The following CCDC15 variants were observed in gnomAD, a reference collection of about 807,000 sequenced individuals.
The protein encoded by CCDC15 is coiled-coil domain-containing protein 15.
A neutral mutation model predicts 114.5 loss-of-function variants in CCDC15; 105 were observed. That is an observed-to-expected ratio of 0.92 (90% confidence interval 0.78 to 1.08). The LOEUF (loss-of-function observed/expected upper bound fraction) is 1.08. Ranked by LOEUF, CCDC15 falls within the 50% of genes least tolerant of loss-of-function variation. The pLI, the probability that CCDC15 is intolerant of heterozygous loss-of-function variation, is 0.00. For missense variants in CCDC15, 1,105 were observed against 1,093.6 expected, an observed-to-expected ratio of 1.01 and a Z score of -0.15; for synonymous variants, 334 against 377.8, an observed-to-expected ratio of 0.88 and a Z score of 1.34.
chr11:124,972,461 GT>G (rs1947903000), intron 4 of CCDC15, among the ~76,000 whole-genome samples: 1 of 152,028 alleles, frequency 6.6e-6, no homozygotes, highest in Non-Finnish European at 1.5e-5. Context: ...TTATCTACTT[GT>G]TTATTTGAAT....
chr11:124,984,630 C>G (rs962349678), intron 6 of CCDC15, among the ~76,000 whole-genome samples: 1 of 152,150 alleles, frequency 6.6e-6, no homozygotes, highest in Middle Eastern at 3.2e-3. Context: ...AAGCAGCTCT[C>G]CCTGCCAGCG....
chr11:125,015,347 A>G (rs1948621917), intron 13 of CCDC15, among the ~76,000 whole-genome samples: 1 of 152,176 alleles, frequency 6.6e-6, no homozygotes, highest in Non-Finnish European at 1.5e-5. Context: ...TATCACTTTT[A>G]CTAATCAGTA....
intron 13 of CCDC15, among the ~76,000 whole-genome samples, chr11:125,021,805 T>C (rs533979783): frequency 7.9e-5 from 12 of 151,916 alleles, no homozygotes; most frequent in Non-Finnish European, 1.8e-4. Flanking sequence ...CCTTAGCCCT[T>C]AGCTGACTGG....
chr11:125,040,306 G>A (rs1948807262), intron 15 of CCDC15, among the ~76,000 whole-genome samples: 1 of 152,142 alleles, frequency 6.6e-6, no homozygotes, highest in African/African-American at 2.4e-5. Flanking sequence ...CAAAGTGCTG[G>A]AATTACAGGT....
At chr11:124,981,184 T>C (rs941573293) in intron 6 of CCDC15, among the ~76,000 whole-genome samples, 2 of 152,190 alleles carry the variant, frequency 1.3e-5, no homozygotes, top group Non-Finnish European at 2.9e-5. Flanking sequence ...GATTGTTTTA[T>C]GGCTGATTGT....
At chr11:124,968,651 C>G (rs1216295556) in intron 4 of CCDC15, among the ~76,000 whole-genome samples, 1 of 152,072 alleles carries the variant, frequency 6.6e-6, no homozygotes, top group African/African-American at 2.4e-5. Flanking sequence ...GTTCACCCTC[C>G]GTAGGCTGCA....
At chr11:125,021,990 A>G (rs1948663337) in intron 13 of CCDC15, among the ~76,000 whole-genome samples, 1 of 151,970 alleles carries the variant, frequency 6.6e-6, no homozygotes, top group South Asian at 2.1e-4. Flanking sequence ...CTTAACAAAT[A>G]TGAATGTCTT....
At chr11:125,040,455 G>T in intron 15 of CCDC15, 135 bp from the exon 16 acceptor site, 3 of 747,206 alleles carry the variant, frequency 4.0e-6, no homozygotes, top group Non-Finnish European at 6.3e-6. Flanking sequence ...CATATAGTAA[G>T]TACTGAATAA....
chr11:124,988,789 A>G (rs907482112), intron 8 of CCDC15, among the ~76,000 whole-genome samples: 1 of 152,232 alleles, frequency 6.6e-6, no homozygotes, highest in Admixed American at 6.5e-5. Flanking sequence ...TTTGCTCATC[A>G]TAAGAAGTAA....
chr11:125,038,388 T>G, intron 13 of CCDC15, 43 bp from the exon 14 acceptor site: 2 of 1,236,492 alleles, frequency 1.6e-6, no homozygotes, highest in South Asian at 4.1e-5. Flanking sequence ...TTTTAAATAA[T>G]AATTTTATGA....
intron 4 of CCDC15, among the ~76,000 whole-genome samples, chr11:124,971,316 A>G (rs1947877410): frequency 6.6e-6 from 1 of 152,210 alleles, no homozygotes. Context: ...TAAAACCACA[A>G]AGATGTGGAG....
chr11:124,973,792 A>AT (rs988074147), intron 4 of CCDC15, among the ~76,000 whole-genome samples: 5 of 151,186 alleles, frequency 3.3e-5, no homozygotes, highest in East Asian at 2.0e-4. Context: ...ACTACAGCAA[A>AT]TTTTTTTTGT....
intron 13 of CCDC15, among the ~76,000 whole-genome samples, chr11:125,019,903 T>C (rs1158430341): frequency 2.0e-5 from 3 of 150,086 alleles, no homozygotes; most frequent in Non-Finnish European, 4.4e-5. Context: ...TTTTGTTACA[T>C]AGGATACGTA....
chr11:124,959,307 A>G, intron 3 of CCDC15, 43 bp downstream of exon 3: 2 of 1,479,496 alleles, frequency 1.4e-6, no homozygotes. Context: ...AATGGAAAAT[A>G]TGTGTGTTAT....
intron 4 of CCDC15, among the ~76,000 whole-genome samples, chr11:124,973,619 TAAAA>T (rs1296546333): frequency 3.1e-4 from 47 of 152,054 alleles, no homozygotes; most frequent in African/African-American, 1.1e-3. Context: ...AATAAAGCCA[TAAAA>T]TTTATTTTAT....
chr11:125,019,101 A>G (rs1008756496), intron 13 of CCDC15, among the ~76,000 whole-genome samples: 5 of 151,968 alleles, frequency 3.3e-5, no homozygotes, highest in African/African-American at 1.2e-4. Context: ...ATTTGACTTC[A>G]TGTTGAAAAC....
chr11:125,035,831 T>C (rs1249802258), intron 13 of CCDC15, among the ~76,000 whole-genome samples: 1 of 152,206 alleles, frequency 6.6e-6, no homozygotes, highest in Admixed American at 6.5e-5. Context: ...AGTGATTACA[T>C]AAACAAACTA....
chr11:124,955,450 C>T (rs1411611924), intron 2 of CCDC15, among the ~76,000 whole-genome samples: 5 of 152,206 alleles, frequency 3.3e-5, no homozygotes, highest in African/African-American at 9.7e-5. Flanking sequence ...AACTGTGCCC[C>T]TTAGCTATTT....
intron 6 of CCDC15, among the ~76,000 whole-genome samples, chr11:124,982,589 T>A (rs1948088831): frequency 6.6e-6 from 1 of 152,224 alleles, no homozygotes; most frequent in Admixed American, 6.5e-5. Context: ...GTAAATTCTC[T>A]TCTTTAAGAA....
Sources: allele counts gnomAD v4.1 joint callset (sites outside exome capture counted in the v4.1 genomes callset), GRCh38; gene constraint gnomAD v4.1.1; transcripts MANE v1.5; gene names NCBI Gene and HGNC (gene_info 2026-07-23, HGNC 2026-07-21).